Variants in FRMD1 observed in about 807,000 individuals in gnomAD.
FRMD1 encodes FERM domain containing 1, also known as FERM domain-containing protein 1.
FRMD1 carries 51 observed loss-of-function variants against 54.9 expected under a neutral mutation model. The ratio of observed to expected loss-of-function variants is 0.93; its 90% confidence interval spans 0.74 to 1.17. The LOEUF is 1.17. FRMD1 is among the 50% of genes most tolerant of loss of function. FRMD1 has a pLI of 0.00. For synonymous variants in FRMD1, 324 were observed against 306.4 expected (o/e 1.06, Z -0.60); for missense variants, 729 against 743.0 (o/e 0.98, Z 0.22).
intron 2 of FRMD1, among the ~76,000 whole-genome samples, chr6:168,068,163 C>T (rs564312064): frequency 6.6e-6 from 1 of 152,216 alleles, no homozygotes; most frequent in African/African-American, 2.4e-5. Context: ...TAATCTAGTA[C>T]CAACGTGATC....
At chr6:168,086,967 C>T (rs982216632) in intron 1 of FRMD1, among the ~76,000 whole-genome samples, 17 of 152,182 alleles carry the variant, frequency 1.1e-4, no homozygotes, top group African/African-American at 1.7e-4. Flanking sequence ...GAGCAGTCCC[C>T]GATTCTGTGG....
chr6:168,066,644 T>G (rs942381344), intron 4 of FRMD1, 111 bp downstream of exon 4: 22 of 1,449,172 alleles, frequency 1.5e-5, no homozygotes, highest in Non-Finnish European at 1.9e-5. Flanking sequence ...TTGTTTGTTT[T>G]TTGTTTTTGG....
At chr6:168,085,716 G>A (rs1220363677), upstream of FRMD1, among the ~76,000 whole-genome samples, 1 of 148,904 alleles carries the variant, frequency 6.7e-6, no homozygotes, top group East Asian at 2.0e-4. Context: ...CTGCTCCAAA[G>A]CCTTCCATGG....
At position 168,057,209 on chromosome 6, in the gene FRMD1, C is replaced by G. The variant is rs770614079; in HGVS notation, c.1538G>C (p.Cys513Ser). 3 of 1,605,930 alleles carry G rather than the reference C, an allele frequency of 1.9e-6. No individual in the cohort carries two copies. In the South Asian group the frequency reaches 3.4e-5, roughly 18 times the overall value. Residue 513 changes from cysteine (C) to serine (S), a missense_variant, in exon 11 of 11, where the codon TGC becomes TCC. By Grantham distance (112) the Cys-to-Ser change is moderately radical (BLOSUM62 -1). Transcript: ENST00000283309. ...GGTCTCGCAGGGGCCTGCCAGCCTG[C>G]AGTCCAGGGCGCGGTGGAAGGTATG... ...LSHTFHRALD[C>S]RLAGPCETRA...
chr6:168,067,320 A>G, intron 3 of FRMD1, 47 bp downstream of exon 3: 1 of 1,261,064 alleles, frequency 7.9e-7, no homozygotes. Flanking sequence ...GGCCCAGCAC[A>G]GCCCACCGCG....
upstream of FRMD1, chr6:168,081,287 A>T (rs1204616630): frequency 7.7e-6 from 11 of 1,421,900 alleles, no homozygotes; most frequent in East Asian, 2.3e-4. Context: ...CATCAAGAAG[A>T]CAACTTTGCA....
upstream of FRMD1, chr6:168,081,658 A>G (rs1272104254): frequency 1.6e-5 from 11 of 708,348 alleles, no homozygotes; most frequent in East Asian, 2.9e-4. Context: ...CCGTGGTGAG[A>G]AGGAAGGCAG....
At chr6:168,066,696 G>C in intron 4 of FRMD1, 59 bp downstream of exon 4, 1 of 1,551,742 alleles carries the variant, frequency 6.4e-7, no homozygotes, top group Non-Finnish European at 8.7e-7. Flanking sequence ...GGACTTCCAC[G>C]TCATGCGGCA....
chr6:168,075,883 ATT>A lies in FRMD1; in HGVS notation c.214-550_214-549del. On this transcript the variant is annotated intron_variant, in intron 1 of 10. Transcript: ENST00000283309. ...CACATTTCCGGTGCCCGGTGTCCAC[ATT>A]TCCGGCGTCCCGTGTCCACATTTCC... The A allele has an allele frequency of 2.4e-5, 13 of 545,662 alleles. 4 individuals are homozygous for A. Among genetic ancestry groups the A allele is most frequent in the South Asian group, 6.2e-5 (2 of 32,074 alleles). 33.8% of individuals were successfully genotyped at this position (545,662 alleles called of 1,614,324 possible). A position where few individuals can be genotyped will look rare whatever the true frequency, so the allele number is the denominator to read the frequency against.
chr6:168,065,100 G>C, intron 4 of FRMD1, 43 bp from the exon 5 acceptor site: 1 of 1,562,866 alleles, frequency 6.4e-7, no homozygotes, highest in Non-Finnish European at 8.7e-7. Flanking sequence ...ACCGGTGTGG[G>C]GACTGCTGGC....
rs775433978 is a variant in FRMD1, at chr6:168,078,949, A to G, written c.146T>C (p.Met49Thr). 5 of 1,610,514 alleles carry G rather than the reference A, an allele frequency of 3.1e-6. No homozygotes were observed. The highest frequency in any genetic ancestry group is 2.2e-5 in the East Asian group (1 of 44,836). Residue 49 changes from methionine (M) to threonine (T), a missense_variant, in exon 1 of 11, where the codon ATG becomes ACG. By Grantham distance (81) the Met-to-Thr change is moderately conservative. Coordinates refer to ENST00000283309, the MANE Select transcript of FRMD1 (RefSeq NM_024919.6). ...QQEPTLGMDA[M>T]ASEHRDVLVL... ...GAGGACATCCCTGTGTTCCGAGGCC[A>G]TCGCGTCCATTCCCAGGGTCGGCTC...
chr6:168,057,408 C>T, intron 10 of FRMD1, 69 bp from the exon 11 acceptor site: 2 of 1,571,574 alleles, frequency 1.3e-6, no homozygotes, highest in Non-Finnish European at 8.6e-7. Context: ...ACGGCAGCCA[C>T]ACTGCTTGTG....
At chr6:168,063,033 G>C in intron 6 of FRMD1, 74 bp from the exon 7 acceptor site, 1 of 1,294,332 alleles carries the variant, frequency 7.7e-7, no homozygotes, top group Non-Finnish European at 1.1e-6. Context: ...AGTATGGTCA[G>C]TCTGGCTAGG....
At chr6:168,063,135 T>C (rs1799839028) in intron 6 of FRMD1, among the ~76,000 whole-genome samples, 176 bp from the exon 7 acceptor site, 2 of 152,306 alleles carry the variant, frequency 1.3e-5, no homozygotes, top group East Asian at 3.9e-4. Context: ...ATAGTTGTCA[T>C]AGCACAAGCA....
intron 2 of FRMD1, among the ~76,000 whole-genome samples, chr6:168,074,329 C>A (rs1800453245): frequency 6.6e-6 from 1 of 152,148 alleles, no homozygotes; most frequent in Admixed American, 6.6e-5. Context: ...CCCCTGGAGC[C>A]AACTGCCCCC....
Position 168,059,804 on chromosome 6 carries a change from A to T in FRMD1, c.1343-616T>A, listed in dbSNP as rs1799620684. Among the ~76,000 whole-genome samples the T allele has an allele frequency of 6.6e-6, 1 of 152,026 alleles. No individual in the cohort carries two copies. On this transcript the variant is annotated intron_variant, in intron 9 of 10. Transcript: ENST00000283309. The surrounding 1 kb of genome is among the most constrained non-coding windows in gnomAD (Gnocchi z 4.4). ...GTGCTGCATCCTGGGCCAGGTGCAC[A>T]CACAGTCCTACACACAGGGAATGGG...
intron 4 of FRMD1, 125 bp downstream of exon 4, chr6:168,066,630 T>G: frequency 7.0e-7 from 1 of 1,431,304 alleles, no homozygotes; most frequent in African/African-American, 1.4e-5. Context: ...TATAGTGGGG[T>G]TGTTTGTTTG....
At chr6:168,067,831 T>G (rs748269642) in intron 2 of FRMD1, among the ~76,000 whole-genome samples, 8 of 152,242 alleles carry the variant, frequency 5.3e-5, no homozygotes, top group Non-Finnish European at 4.4e-5. Context: ...ATGTCAGGGT[T>G]GGATGCGGTG....
chr6:168,076,945 C>T (rs918673708), intron 1 of FRMD1, among the ~76,000 whole-genome samples: 3 of 152,124 alleles, frequency 2.0e-5, no homozygotes, highest in African/African-American at 7.2e-5. Context: ...CACGAGTATA[C>T]ACCCCAATAG....
Sources: allele counts gnomAD v4.1 joint callset (sites outside exome capture counted in the v4.1 genomes callset), GRCh38; gene constraint gnomAD v4.1.1; non-coding constraint Gnocchi (gnomAD v3.1); transcripts MANE v1.5; gene names NCBI Gene and HGNC (gene_info 2026-07-23, HGNC 2026-07-21).